Variants in SRRM4 observed in about 807,000 individuals in gnomAD.
SRRM4 encodes serine/arginine repetitive matrix protein 4.
A neutral mutation model predicts 68.9 loss-of-function variants in SRRM4; 33 were observed. The observed-to-expected ratio is 0.48, with a 90% CI of 0.36 to 0.64. The LOEUF (loss-of-function observed/expected upper bound fraction) is 0.64. Among genes scored for constraint, SRRM4 ranks in the 30% least tolerant of loss-of-function variants. The pLI, the probability that SRRM4 is intolerant of heterozygous loss-of-function variation, is 0.00. For missense variants in SRRM4, 817 were observed against 827.1 expected (o/e 0.99, Z 0.15); for synonymous variants, 318 against 318.8 (o/e 1.00, Z 0.03).
At chr12:119,070,504 A>C (rs938445130) in intron 1 of SRRM4, among the ~76,000 whole-genome samples, 7 of 152,078 alleles carry the variant, frequency 4.6e-5, no homozygotes, top group African/African-American at 1.7e-4. Flanking sequence ...GAGTGCCCAG[A>C]TCTCCAAATT....
chr12:119,044,914 T>C (rs759268037), intron 1 of SRRM4, among the ~76,000 whole-genome samples: 1 of 152,192 alleles, frequency 6.6e-6, no homozygotes, highest in Non-Finnish European at 1.5e-5. Context: ...CTGGGTTTGG[T>C]TCCCAGCTCT....
intron 1 of SRRM4, among the ~76,000 whole-genome samples, chr12:119,017,190 A>T (rs1953487063): frequency 6.6e-6 from 1 of 152,238 alleles, no homozygotes; most frequent in African/African-American, 2.4e-5. Flanking sequence ...AGGGTAGCTG[A>T]TTGATAAGTC....
intron 1 of SRRM4, among the ~76,000 whole-genome samples, chr12:119,008,996 C>T (rs553692788): frequency 2.0e-5 from 3 of 152,150 alleles, no homozygotes; most frequent in East Asian, 1.9e-4. Flanking sequence ...GTAATGAATC[C>T]GTGGCCCCCA....
intron 9 of SRRM4, among the ~76,000 whole-genome samples, chr12:119,146,469 C>T (rs1309015286): frequency 6.6e-6 from 1 of 151,916 alleles, no homozygotes; most frequent in East Asian, 1.9e-4. Context: ...GCCTGTAATC[C>T]CAGCTACTCG....
intron 1 of SRRM4, among the ~76,000 whole-genome samples, chr12:119,018,241 G>C (rs974931960): frequency 6.6e-6 from 1 of 152,206 alleles, no homozygotes; most frequent in Non-Finnish European, 1.5e-5. Flanking sequence ...TATGAGGATA[G>C]ATTCTGAAAC....
At chr12:118,982,568 GAA>G (rs1220804856) in intron 1 of SRRM4, among the ~76,000 whole-genome samples, 1 of 151,824 alleles carries the variant, frequency 6.6e-6, no homozygotes, top group Non-Finnish European at 1.5e-5. Flanking sequence ...CGCTGCTGCT[GAA>G]TTCTCTCCTC....
At chr12:119,080,929 C>A (rs1402990013) in intron 1 of SRRM4, among the ~76,000 whole-genome samples, 1 of 152,182 alleles carries the variant, frequency 6.6e-6, no homozygotes, top group South Asian at 2.1e-4. Context: ...ACATTCTGAG[C>A]ACACAAGCCC....
rs570963752 is a variant in SRRM4, at chr12:119,105,855, G to A, written c.278+3473G>A. ...ATCCCATTTGTCAATTTTGGCTTTT[G>A]TTGCCATTGCTTTTGGTGTTTTAGT... On this transcript the variant is annotated intron_variant, in intron 2 of 12. Coordinates refer to ENST00000267260, the MANE Select transcript of SRRM4 (RefSeq NM_194286.4). Among the ~76,000 whole-genome samples the A allele has an allele frequency of 5.9e-5, 9 of 152,282 alleles. No individual in the cohort carries two copies. In the South Asian group the frequency reaches 1.0e-3, roughly 18 times the overall value.
intron 1 of SRRM4, among the ~76,000 whole-genome samples, chr12:119,068,482 A>G (rs1953859243): frequency 6.6e-6 from 1 of 152,204 alleles, no homozygotes; most frequent in Admixed American, 6.5e-5. Flanking sequence ...TTCAGCAAGC[A>G]AAGAGAAGAG....
intron 1 of SRRM4, among the ~76,000 whole-genome samples, chr12:119,011,228 A>G (rs2135997402): frequency 6.6e-6 from 1 of 152,340 alleles, no homozygotes; most frequent in Non-Finnish European, 1.5e-5. Context: ...GAAGACACAT[A>G]CATGGCAAAA....
chr12:119,161,199 T>TG lies in SRRM4; in HGVS notation c.*4403dup, dbSNP rs1472056282. 6.6e-6 allele frequency: 1 copy of TG among 152,220 alleles called. No individual in the cohort carries two copies. The highest frequency in any genetic ancestry group is 1.5e-5 in the Non-Finnish European group (1 of 68,038). 9.4% of individuals were successfully genotyped at this position (152,220 alleles called of 1,614,324 possible). A position where few individuals can be genotyped will look rare whatever the true frequency, so the allele number is the denominator to read the frequency against. ...TCTTCTTTTTCACAAATGTTCAAAA[T>TG]GGTCTCATGCGCATGTGTCTTGCCC... is the stretch of plus-strand genomic sequence containing the variant. On this transcript the variant is annotated 3_prime_UTR_variant, in exon 13 of 13. Coordinates refer to ENST00000267260, the MANE Select transcript of SRRM4 (RefSeq NM_194286.4).
At chr12:119,110,246 G>A (rs1324827749) in intron 2 of SRRM4, among the ~76,000 whole-genome samples, 2 of 152,200 alleles carry the variant, frequency 1.3e-5, no homozygotes, top group African/African-American at 4.8e-5. Flanking sequence ...ACTGGGAGGT[G>A]CCTCCCAGTT....
intron 1 of SRRM4, among the ~76,000 whole-genome samples, chr12:118,996,473 T>C (rs903805337): frequency 6.6e-6 from 1 of 152,242 alleles, no homozygotes; most frequent in African/African-American, 2.4e-5. Context: ...GACATGTTTA[T>C]GAATAACTAG....
intron 1 of SRRM4, among the ~76,000 whole-genome samples, chr12:119,040,685 T>C (rs4767760): frequency 0.6 from 90,831 of 151,990 alleles, 28,378 homozygotes; most frequent in Middle Eastern, 0.7. Context: ...GAATAATGAC[T>C]TCTTTTCTGC....
intron 1 of SRRM4, among the ~76,000 whole-genome samples, chr12:119,003,198 A>T (rs1260617438): frequency 6.6e-6 from 1 of 151,752 alleles, no homozygotes; most frequent in Non-Finnish European, 1.5e-5. Flanking sequence ...TTGGGCTGCA[A>T]CCTATGTTCG....
chr12:119,053,294 G>C (rs1280413061), intron 1 of SRRM4, among the ~76,000 whole-genome samples: 1 of 152,112 alleles, frequency 6.6e-6, no homozygotes, highest in Admixed American at 6.5e-5. Context: ...GTAATATGAA[G>C]TTTCCTTTTT....
chr12:118,999,646 G>A (rs756281935), intron 1 of SRRM4, among the ~76,000 whole-genome samples: 17 of 152,160 alleles, frequency 1.1e-4, no homozygotes, highest in East Asian at 3.9e-4. Flanking sequence ...TAAGCATTTC[G>A]TTTACTGTAA....
chr12:119,124,337 G>A (rs973849863), intron 6 of SRRM4: 11 of 152,348 alleles, frequency 7.2e-5, no homozygotes, highest in African/African-American at 2.6e-4. Flanking sequence ...ACTAGGCAAG[G>A]GCTAGCTCCT....
chr12:118,993,987 A>G (rs1216853806), intron 1 of SRRM4: 1 of 152,172 alleles, frequency 6.6e-6, no homozygotes, highest in Non-Finnish European at 1.5e-5. Flanking sequence ...TAAGTTGGGC[A>G]TCAATATGGT....
Sources: gnomAD v4.1 joint callset for allele counts (sites outside exome capture counted in the v4.1 genomes callset) on GRCh38, gnomAD v4.1.1 for gene constraint, MANE v1.5 for transcripts, NCBI Gene and HGNC (gene_info 2026-07-23, HGNC 2026-07-21) for gene names.